The following NCL variants were observed in gnomAD, a reference collection of about 807,000 sequenced individuals.
The protein encoded by NCL is nucleolin multifunctional protein.
Under a neutral mutation model 77.7 loss-of-function variants are expected in NCL, and 4 were observed. That is an observed-to-expected ratio of 0.05 (90% CI 0.03 to 0.12). The LOEUF is 0.12. Among genes scored for constraint, NCL ranks in the 10% least tolerant of loss-of-function variants. The pLI is 1.00. For missense variants in NCL, 763 were observed against 860.9 expected (o/e 0.89, Z 1.42); for synonymous variants, 344 against 297.8 (o/e 1.16, Z -1.60).
chr2:231,457,232 C>T, intron 9 of NCL, 108 bp from the exon 10 acceptor site: 2 of 1,455,114 alleles, frequency 1.4e-6, no homozygotes, highest in East Asian at 2.3e-5. Flanking sequence ...AGTTAATATA[C>T]AAATACTCAT....
At position 231,460,269 on chromosome 2, in the gene NCL, T is replaced by C. The variant is rs141369545; in HGVS notation, c.923A>G (p.Asn308Ser). ...AAAGTTTAGGTTTCCAACAAAGAGA[T>C]TGAAAGCCGTAGTCGGTTCTGTGCC... Reference protein sequence around the residue: ...VEGTEPTTAFNLFVGNLNFNK... With the variant: ...VEGTEPTTAFSLFVGNLNFNK... The change falls in exon 6 of 14, where the codon AAT (asparagine) becomes AGT (serine). Residue 308 changes from asparagine to serine, a missense_variant. Asn to Ser is a conservative substitution (Grantham distance 46). This residue lies in a region of NCL where 590 missense variants were observed against 570.5 expected (regional missense o/e 1.03). Coordinates refer to ENST00000322723, the MANE Select transcript of NCL (RefSeq NM_005381.3). 4.7e-5 allele frequency: 76 copies of C among 1,614,026 alleles called. No individual in the cohort carries two copies. The highest frequency in any genetic ancestry group is 1.6e-4 in the Middle Eastern group (1 of 6,084).
intron 7 of NCL, 184 bp from the exon 8 acceptor site, chr2:231,458,573 T>C (rs1048713217): frequency 9.7e-6 from 7 of 724,712 alleles, no homozygotes; most frequent in Non-Finnish European, 1.5e-5. Context: ...TCCCTCCATG[T>C]TGTCACAGCT....
rs200406507 is a variant in NCL at position 231,460,697 on chromosome 2, A to C, written c.783T>G (p.Asp261Glu). 37 of 1,586,120 alleles carry C rather than the reference A, an allele frequency of 2.3e-5. No homozygotes were observed. The highest frequency in any genetic ancestry group is 1.7e-4 in the Middle Eastern group (1 of 5,956). ...CCTCCTCCTCTTCTTCCTCCTCCTCATCATCTTCATCATCATCATCTTCAT... is the reference window on the plus strand; with the variant it reads ...CCTCCTCCTCTTCTTCCTCCTCCTCCTCATCTTCATCATCATCATCTTCAT... The part of the protein sequence containing the change: ...EDDEDDDDED[D>E]EEEEEEEEEE... The change falls in exon 4 of 14, where the codon GAT becomes GAG. Residue 261 changes from aspartate to glutamate, a missense_variant. Physicochemically the swap from Asp to Glu is conservative, Grantham distance 45 (BLOSUM62 2). Transcript: ENST00000322723.
At chr2:231,457,526 C>A in intron 9 of NCL, 117 bp downstream of exon 9, 3 of 1,080,354 alleles carry the variant, frequency 2.8e-6, no homozygotes, top group Non-Finnish European at 4.1e-6. Context: ...TGTCCTTGAT[C>A]TTCACCTACA....
Position 231,460,679 on chromosome 2 carries a change from CTCTTCTTCCTCCTCCTCATCA to C in NCL, c.780_800del (p.Asp260_Glu266del). Reference sequence around the variant, plus strand: ...ATCTAATTTAAGTACCTTCCTCCTCCTCTTCTTCCTCCTCCTCATCATCTTCATCATCATCATCTTCATCAT... The same window carrying C: ...ATCTAATTTAAGTACCTTCCTCCTCCTCTTCATCATCATCATCTTCATCAT... On this transcript the variant is annotated inframe_deletion, in exon 4 of 14. Coordinates refer to ENST00000322723, the MANE Select transcript of NCL (RefSeq NM_005381.3). The C allele has an allele frequency of 6.2e-7, 1 of 1,612,920 alleles. No individual in the cohort carries two copies. Among genetic ancestry groups the C allele is most frequent in the Non-Finnish European group, 8.5e-7 (1 of 1,179,336 alleles).
rs1420401642 is a variant in NCL, at chr2:231,464,342, G to A, written c.12C>T (p.Leu4=). The A allele has an allele frequency of 9.4e-6, 15 of 1,600,000 alleles. No homozygotes were observed. The highest frequency in any genetic ancestry group is 3.4e-5 in the South Asian group (3 of 88,920). The part of the protein sequence containing the change: MVK[L]AKAGKNQGDP... ...CGCGCTCAAGGCCGTTTACCTTCGC[G>A]AGCTTCACCATGATGGCGGCGGAGT... The change falls in exon 1 of 14, where the codon CTC becomes CTT. Residue 4 remains leucine, a synonymous_variant. Transcript: ENST00000322723.
chr2:231,457,456 A>C, intron 9 of NCL, 187 bp downstream of exon 9: 1 of 768,056 alleles, frequency 1.3e-6, no homozygotes. Flanking sequence ...AAATGATTTT[A>C]GAGCTCTCAT....
At position 231,461,529 on chromosome 2, in the gene NCL, C is replaced by CAA. The variant is rs1278482845; in HGVS notation, c.613+9_613+10dup. 3.7e-6 allele frequency: 6 copies of CAA among 1,611,202 alleles called. No individual in the cohort carries two copies. The highest frequency in any genetic ancestry group is 1.6e-4 in the Middle Eastern group (1 of 6,074). ...ATCAGAAGCCCAGTAACTACCAAGA[C>CAA]AACTCCTTACCATCTTCCTCATCGT... On this transcript the variant is annotated intron_variant, in intron 3 of 13. Transcript: ENST00000322723.
chr2:231,460,122 C>T (rs777272895), intron 6 of NCL, 30 bp downstream of exon 6: 3 of 1,594,458 alleles, frequency 1.9e-6, no homozygotes, highest in African/African-American at 1.3e-5. Context: ...AACAGACCCA[C>T]GTGTATGTAA....
At chr2:231,457,575 G>A in intron 9 of NCL, 68 bp downstream of exon 9, 17 of 1,398,256 alleles carry the variant, frequency 1.2e-5, no homozygotes, top group Admixed American at 2.2e-5. Flanking sequence ...ATAAACTTAT[G>A]AAATACAAAG....
chr2:231,457,614 G>A, intron 9 of NCL, 29 bp downstream of exon 9: 1 of 1,561,674 alleles, frequency 6.4e-7, no homozygotes, highest in Non-Finnish European at 8.7e-7. Flanking sequence ...CACCAATTCT[G>A]AAACCTTGTA....
At chr2:231,464,240 G>A (rs560831178) in intron 1 of NCL, 96 bp downstream of exon 1, 5 of 1,520,262 alleles carry the variant, frequency 3.3e-6, no homozygotes, top group African/African-American at 1.4e-5. Flanking sequence ...CCTAGAACGC[G>A]CCCGGGACTG....
chr2:231,457,510 G>A (rs1487266043), intron 9 of NCL, 133 bp downstream of exon 9: 5 of 903,380 alleles, frequency 5.5e-6, no homozygotes, highest in South Asian at 4.7e-5. Context: ...ATGACTTGGG[G>A]TATCATGTCC....
At chr2:231,460,326 T>C (rs1439425785) in intron 5 of NCL, 33 bp from the exon 6 acceptor site, 1 of 1,614,114 alleles carries the variant, frequency 6.2e-7, no homozygotes. Context: ...AGTCTACTTG[T>C]AGTGTGGTAA....
chr2:231,457,739 C>T lies in NCL; in HGVS notation c.1351G>A (p.Gly451Arg), dbSNP rs926474045. The change falls in exon 9 of 14, where the codon GGA becomes AGA. Residue 451 changes from glycine to arginine, a missense_variant. Gly to Arg is a moderately radical substitution (Grantham distance 125). Coordinates refer to ENST00000322723, the MANE Select transcript of NCL (RefSeq NM_005381.3). ...ATAGATCGCCCATCGATCTCTGTTC[C>T]CTGCTTTTCTTCAAAGGTTTTCTCT... ...DAEKTFEEKQ[G>R]TEIDGRSISL... is the part of the protein sequence containing the mutation. 2.5e-6 allele frequency: 4 copies of T among 1,612,864 alleles called. No homozygotes were observed. The highest frequency in any genetic ancestry group is 2.7e-5 in the African/African-American group (2 of 74,900).
chr2:231,464,413 A>C lies in NCL; in HGVS notation c.-60T>G, dbSNP rs1316777007. The stretch of plus-strand genomic sequence containing the variant: ...AGATGAGTCCAGAAGAAGCCAAGCG[A>C]CGGCGATGGCGGCCGCGGGTGCTGA... On this transcript the variant is annotated 5_prime_UTR_variant, in exon 1 of 14. Coordinates refer to ENST00000322723, the MANE Select transcript of NCL (RefSeq NM_005381.3). 4.4e-6 allele frequency: 7 copies of C among 1,577,410 alleles called. No individual in the cohort carries two copies. Among genetic ancestry groups the C allele is most frequent in the Non-Finnish European group, 5.2e-6 (6 of 1,159,912 alleles).
intron 6 of NCL, among the ~76,000 whole-genome samples, chr2:231,459,699 G>C (rs2046927587): frequency 6.6e-6 from 1 of 151,988 alleles, no homozygotes; most frequent in East Asian, 1.9e-4. Flanking sequence ...TTGAGGTCAG[G>C]AGTTCAAAAC....
Position 231,455,394 on chromosome 2 carries a change from GCC to G in NCL, c.2056+5_2056+6del. 6.2e-7 allele frequency: 1 copy of G among 1,613,880 alleles called. No individual in the cohort carries two copies. Among genetic ancestry groups the G allele is most frequent in the Middle Eastern group, 1.6e-4 (1 of 6,062 alleles). ...CTATGTGGTGTCATTATCTCTGCGT[GCC>G]TTACCTCCAAAGCCTCCCCGGCCTC... On this transcript the variant is annotated splice_donor_5th_base_variant and intron_variant, in intron 13 of 13. Transcript: ENST00000322723.
chr2:231,455,817 G>A (rs752936387), intron 12 of NCL, 193 bp from the exon 13 acceptor site: 2 of 1,169,070 alleles, frequency 1.7e-6, no homozygotes, highest in East Asian at 2.3e-5. Flanking sequence ...TCACAATACA[G>A]CTAAATATAC....
Sources: allele counts gnomAD v4.1 joint callset (sites outside exome capture counted in the v4.1 genomes callset), GRCh38; gene constraint gnomAD v4.1.1; regional missense constraint gnomAD v4.1.1; transcripts MANE v1.5; gene names NCBI Gene and HGNC (gene_info 2026-07-23, HGNC 2026-07-21).